The following TRIM5 variants were observed in gnomAD, a reference collection of about 807,000 sequenced individuals.
The protein encoded by TRIM5 is tripartite motif-containing protein 5.
A neutral mutation model predicts 35.6 loss-of-function variants in TRIM5; 31 were observed. The observed-to-expected ratio is 0.87, with a 90% CI of 0.65 to 1.18. TRIM5 has a LOEUF of 1.18. Among genes scored for constraint, TRIM5 ranks in the 50% most tolerant of loss-of-function variants. The pLI, the probability that TRIM5 is intolerant of heterozygous loss-of-function variation, is 0.00. For missense variants in TRIM5, 609 were observed against 591.6 expected, an observed-to-expected ratio of 1.03 and a Z score of -0.31; for synonymous variants, 243 against 215.6, an observed-to-expected ratio of 1.13 and a Z score of -1.11.
the TRIM5 span, chr11:5,610,959 G>A: frequency 3.1e-6 from 5 of 1,614,020 alleles, no homozygotes; most frequent in Non-Finnish European, 4.2e-6. Context: ...GGTAGATGTG[G>A]CCAAGAAGAC....
chr11:5,680,688 C>A (rs1445947478), intron 1 of TRIM5, among the ~76,000 whole-genome samples: 2 of 152,190 alleles, frequency 1.3e-5, no homozygotes, highest in African/African-American at 2.4e-5. Context: ...TTATTAAATT[C>A]TCTCCTTACA....
intron 4 of TRIM5, among the ~76,000 whole-genome samples, chr11:5,675,205 T>C (rs1851853690): frequency 6.6e-6 from 1 of 151,298 alleles, no homozygotes; most frequent in East Asian, 2.0e-4. Context: ...ATTTTTTGTA[T>C]TATTTTTTTT....
rs1590219925 is a variant in TRIM5, at chr11:5,664,316, C to G, written c.*493G>C. ...GAGACAGGAGTTGAACTGAGATCCT[C>G]TAGATACAAAACCTCTATACTTAAG... is the stretch of plus-strand genomic sequence containing the variant. On this transcript the variant is annotated 3_prime_UTR_variant, in exon 8 of 8. Coordinates refer to ENST00000380034, the MANE Select transcript of TRIM5 (RefSeq NM_033034.3). 1.0e-6 allele frequency: 1 copy of G among 986,616 alleles called. No individual in the cohort carries two copies. The highest frequency in any genetic ancestry group is 4.7e-5 in the South Asian group (1 of 21,346). The allele number at this position is 986,616 out of a possible 1,614,324, so 61.1% of individuals were successfully genotyped here. A position where few individuals can be genotyped will look rare whatever the true frequency, so the allele number is the denominator to read the frequency against.
chr11:5,624,456 G>A, the TRIM5 span, among the ~76,000 whole-genome samples: 5 of 152,142 alleles, frequency 3.3e-5, no homozygotes, highest in Admixed American at 2.6e-4. Context: ...ACTTTGGTAG[G>A]TAGCACACAA....
At chr11:5,598,084 T>A in the TRIM5 span, among the ~76,000 whole-genome samples, 1 of 152,224 alleles carries the variant, frequency 6.6e-6, no homozygotes, top group African/African-American at 2.4e-5. Context: ...TTTCTTCTGC[T>A]AATTTGATGC....
intron 4 of TRIM5, among the ~76,000 whole-genome samples, chr11:5,676,685 C>T (rs1307558350): frequency 6.7e-6 from 1 of 149,640 alleles, no homozygotes; most frequent in South Asian, 2.2e-4. Flanking sequence ...AGGCATCACA[C>T]TACCTGACTT....
At chr11:5,597,087 T>C in the TRIM5 span, among the ~76,000 whole-genome samples, 1 of 151,938 alleles carries the variant, frequency 6.6e-6, no homozygotes, top group Non-Finnish European at 1.5e-5. Flanking sequence ...AGTCAGTCAA[T>C]AGAGACAGAA....
At chr11:5,591,692 G>C in the TRIM5 span, among the ~76,000 whole-genome samples, 1 of 152,044 alleles carries the variant, frequency 6.6e-6, no homozygotes, top group East Asian at 1.9e-4. Context: ...ATTGGATCTT[G>C]CAATGAGGTG....
chr11:5,654,535 G>A, the TRIM5 span, among the ~76,000 whole-genome samples: 11 of 152,286 alleles, frequency 7.2e-5, no homozygotes, highest in Admixed American at 1.3e-4. Context: ...TGGGGAGCAC[G>A]TGTGAGTACC....
At chr11:5,657,982 G>A in the TRIM5 span, among the ~76,000 whole-genome samples, 1 of 151,914 alleles carries the variant, frequency 6.6e-6, no homozygotes, top group South Asian at 2.1e-4. Flanking sequence ...AATTATATGA[G>A]AGGGGTGCAG....
At chr11:5,599,043 C>T in the TRIM5 span, among the ~76,000 whole-genome samples, 3 of 152,282 alleles carry the variant, frequency 2.0e-5, no homozygotes, top group East Asian at 5.8e-4. Flanking sequence ...TAGGATTTCA[C>T]ATAAATAGCA....
At chr11:5,608,931 C>G in the TRIM5 span, among the ~76,000 whole-genome samples, 1 of 143,130 alleles carries the variant, frequency 7.0e-6, no homozygotes, top group Non-Finnish European at 1.5e-5. Context: ...GCTCACTGCA[C>G]CTTCCTGCCC....
the TRIM5 span, among the ~76,000 whole-genome samples, chr11:5,657,509 T>G: frequency 7.2e-6 from 1 of 138,762 alleles, no homozygotes; most frequent in Non-Finnish European, 1.5e-5. Context: ...ATTTATATAT[T>G]ATATATAATG....
chr11:5,610,713 C>T, the TRIM5 span: 2 of 1,583,264 alleles, frequency 1.3e-6, no homozygotes, highest in South Asian at 2.3e-5. Flanking sequence ...TGTGTTTCCT[C>T]TTCTCAGCAT....
chr11:5,606,342 G>C, the TRIM5 span, among the ~76,000 whole-genome samples: 3 of 152,188 alleles, frequency 2.0e-5, no homozygotes, highest in Non-Finnish European at 4.4e-5. Flanking sequence ...GGAGGGACTT[G>C]AACTGAGGTT....
At chr11:5,603,102 G>A in the TRIM5 span, 2 of 1,383,266 alleles carry the variant, frequency 1.4e-6, no homozygotes, top group Non-Finnish European at 1.9e-6. Flanking sequence ...TATGAGCCGG[G>A]ATAAAGAACG....
At chr11:5,634,789 G>A in the TRIM5 span, 8 of 1,613,940 alleles carry the variant, frequency 5.0e-6, no homozygotes, top group Middle Eastern at 3.3e-4. Flanking sequence ...TAGTTCAGCA[G>A]AAGCAGTTGG....
intron 4 of TRIM5, among the ~76,000 whole-genome samples, chr11:5,672,671 G>A (rs991308838): frequency 1.3e-5 from 2 of 152,034 alleles, no homozygotes; most frequent in Admixed American, 6.6e-5. Context: ...ATTTCCCAAA[G>A]TATTTTCTTA....
At chr11:5,655,647 G>T in the TRIM5 span, 8 of 985,370 alleles carry the variant, frequency 8.1e-6, no homozygotes, top group Non-Finnish European at 9.6e-6. Flanking sequence ...CGTCAGTAAG[G>T]AACCAATGTT....
Sources: allele counts gnomAD v4.1 joint callset (sites outside exome capture counted in the v4.1 genomes callset), GRCh38; gene constraint gnomAD v4.1.1; transcripts MANE v1.5; gene names NCBI Gene and HGNC (gene_info 2026-07-23, HGNC 2026-07-21).